Variants in TDRD5 observed in about 807,000 individuals in gnomAD.
The protein encoded by TDRD5 is tudor domain-containing protein 5.
In TDRD5, 41 loss-of-function variants were observed where a neutral mutation model predicts 120.6. That is an observed-to-expected ratio of 0.34 (90% CI 0.26 to 0.44). The LOEUF (loss-of-function observed/expected upper bound fraction) is 0.44. TDRD5 is among the 20% of genes least tolerant of loss of function. The pLI, the probability that TDRD5 is intolerant of heterozygous loss-of-function variation, is 1.00. For missense variants in TDRD5, 1,006 were observed against 1,221.2 expected (o/e 0.82, Z 2.63); for synonymous variants, 430 against 433.7 (o/e 0.99, Z 0.11).
intron 12 of TDRD5, 120 bp downstream of exon 12, chr1:179,651,187 G>A (rs962994226): frequency 4.3e-5 from 47 of 1,100,856 alleles, no homozygotes; most frequent in Non-Finnish European, 5.2e-5. Flanking sequence ...AGACATCCAC[G>A]AGATTCCTGG....
At chr1:179,672,715 T>G (rs1261008792) in intron 17 of TDRD5, among the ~76,000 whole-genome samples, 1 of 152,202 alleles carries the variant, frequency 6.6e-6, no homozygotes, top group Non-Finnish European at 1.5e-5. Context: ...ACTCTAGAAT[T>G]TTTAAGGTTT....
intron 4 of TDRD5, among the ~76,000 whole-genome samples, chr1:179,609,216 T>C (rs1394490567): frequency 2.6e-5 from 4 of 152,196 alleles, no homozygotes; most frequent in Non-Finnish European, 5.9e-5. Flanking sequence ...CTGAAATGCT[T>C]GGTTGAGTAT....
chr1:179,597,672 G>A (rs1029098830), intron 4 of TDRD5, among the ~76,000 whole-genome samples: 1 of 152,008 alleles, frequency 6.6e-6, no homozygotes, highest in African/African-American at 2.4e-5. Flanking sequence ...GATTTTAATC[G>A]AAGTTACAAG....
At chr1:179,678,232 TCTAAAGG>T (rs1680239105) in intron 17 of TDRD5, among the ~76,000 whole-genome samples, 1 of 152,166 alleles carries the variant, frequency 6.6e-6, no homozygotes, top group African/African-American at 2.4e-5. Flanking sequence ...AGCTTGCAGT[TCTAAAGG>T]CTAGTCTCAC....
At chr1:179,633,801 G>T (rs1294972791) in intron 7 of TDRD5, among the ~76,000 whole-genome samples, 1 of 152,084 alleles carries the variant, frequency 6.6e-6, no homozygotes, top group East Asian at 1.9e-4. Flanking sequence ...AAGCAACAAA[G>T]AATATTCCCT....
At position 179,662,252 on chromosome 1, in the gene TDRD5, A is replaced by T; in HGVS notation, c.2471A>T (p.Asn824Ile). The T allele has an allele frequency of 6.2e-7, 1 of 1,605,794 alleles. No homozygotes were observed. The highest frequency in any genetic ancestry group is 1.1e-5 in the South Asian group (1 of 89,538). Residue 824 changes from asparagine to isoleucine, a missense_variant, in exon 15 of 18, where the codon AAT becomes ATT. This residue lies in a region of TDRD5 where 403 missense variants were observed against 448.1 expected (regional missense o/e 0.90). Transcript: ENST00000444136. ...TTTACTGCAAGCCTTGGTGGAAAGA[A>T]TCAGTATTCATCATGTAAAGAAATG... The part of the protein sequence containing the change: ...HLFTASLGGK[N>I]QYSSCKEMPQ...
Position 179,621,024 on chromosome 1 carries a change from CT to C in TDRD5, c.916-10del, listed in dbSNP as rs1179061584. On this transcript the variant is annotated splice_polypyrimidine_tract_variant and intron_variant, in intron 5 of 17. Coordinates refer to ENST00000444136, the MANE Select transcript of TDRD5 (RefSeq NM_001199085.3). Reference sequence around the variant, plus strand: ...GTGTGTCTATATTGTATTTCACTTTCTATTTGTTAGGTTGTATCTAAGTTCC... The same window carrying C: ...GTGTGTCTATATTGTATTTCACTTTCATTTGTTAGGTTGTATCTAAGTTCC... 1.9e-6 allele frequency: 3 copies of C among 1,590,658 alleles called. No homozygotes were observed. Among genetic ancestry groups the C allele is most frequent in the Non-Finnish European group, 2.6e-6 (3 of 1,170,316 alleles).
chr1:179,656,485 A>G (rs1266504474), intron 14 of TDRD5, among the ~76,000 whole-genome samples: 5 of 152,226 alleles, frequency 3.3e-5, no homozygotes, highest in Non-Finnish European at 7.3e-5. Context: ...TTCCAGTATC[A>G]AGACATCTTG....
chr1:179,639,721 C>T, intron 9 of TDRD5, 118 bp from the exon 10 acceptor site: 1 of 1,045,848 alleles, frequency 9.6e-7, no homozygotes, highest in Non-Finnish European at 1.4e-6. Context: ...AACAATTTGA[C>T]AAAGTCAATT....
chr1:179,650,613 C>T (rs1369074144), intron 11 of TDRD5, among the ~76,000 whole-genome samples: 1 of 152,110 alleles, frequency 6.6e-6, no homozygotes, highest in East Asian at 1.9e-4. Flanking sequence ...ATCTAACTCA[C>T]AATTTCTGAA....
chr1:179,661,170 T>C (rs1679292300), intron 14 of TDRD5, among the ~76,000 whole-genome samples: 1 of 152,190 alleles, frequency 6.6e-6, no homozygotes, highest in Non-Finnish European at 1.5e-5. Context: ...TTCTTTAGGT[T>C]TATCCAGTTT....
chr1:179,677,012 G>A (rs995555054), intron 17 of TDRD5, among the ~76,000 whole-genome samples: 1 of 152,068 alleles, frequency 6.6e-6, no homozygotes, highest in African/African-American at 2.4e-5. Context: ...GTTTAACCTA[G>A]TCCCAAACTT....
intron 3 of TDRD5, among the ~76,000 whole-genome samples, chr1:179,595,327 C>T (rs1454270867): frequency 6.6e-6 from 1 of 152,130 alleles, no homozygotes; most frequent in Admixed American, 6.5e-5. Flanking sequence ...AAATGGGATA[C>T]AGCTTTTTAC....
At chr1:179,637,745 T>C (rs1030745849) in intron 9 of TDRD5, among the ~76,000 whole-genome samples, 1 of 151,936 alleles carries the variant, frequency 6.6e-6, no homozygotes, top group African/African-American at 2.4e-5. Context: ...GTAACTACTG[T>C]GTGCTTCGTG....
chr1:179,684,624 C>T (rs988840647), intron 17 of TDRD5, among the ~76,000 whole-genome samples: 12 of 152,346 alleles, frequency 7.9e-5, no homozygotes, highest in African/African-American at 2.9e-4. Flanking sequence ...AATCGCCACA[C>T]TGTCTTCCAC....
At chr1:179,628,688 A>G (rs542893114) in intron 6 of TDRD5, among the ~76,000 whole-genome samples, 9 of 152,294 alleles carry the variant, frequency 5.9e-5, no homozygotes, top group Non-Finnish European at 1.0e-4. Flanking sequence ...TATATCTGAC[A>G]TATTAGTAAA....
intron 4 of TDRD5, among the ~76,000 whole-genome samples, chr1:179,602,436 C>T (rs1456265536): frequency 6.6e-6 from 1 of 152,068 alleles, no homozygotes; most frequent in Non-Finnish European, 1.5e-5. Flanking sequence ...GGTTTTTGGT[C>T]ATGAAATCCT....
chr1:179,646,055 T>G (rs1467665631), intron 11 of TDRD5, among the ~76,000 whole-genome samples: 1 of 152,224 alleles, frequency 6.6e-6, no homozygotes, highest in Non-Finnish European at 1.5e-5. Context: ...CTGATTACAC[T>G]TATTGTAATA....
chr1:179,604,908 G>A (rs1675895333), intron 4 of TDRD5, among the ~76,000 whole-genome samples: 1 of 152,070 alleles, frequency 6.6e-6, no homozygotes, highest in African/African-American at 2.4e-5. Context: ...CCTAGGTATA[G>A]TTTAAATCCA....
Sources: gnomAD v4.1 joint callset for allele counts (sites outside exome capture counted in the v4.1 genomes callset) on GRCh38, gnomAD v4.1.1 for gene constraint, gnomAD v4.1.1 regional missense constraint, MANE v1.5 for transcripts, NCBI Gene and HGNC (gene_info 2026-07-23, HGNC 2026-07-21) for gene names.